CRHR1: variants seen among roughly 807,000 people sequenced by gnomAD.
CRHR1 encodes corticotropin-releasing hormone receptor 1.
In CRHR1, 28 loss-of-function variants were observed where a neutral mutation model predicts 56.0. That is an observed-to-expected ratio of 0.50 (90% CI 0.37 to 0.69). The LOEUF (loss-of-function observed/expected upper bound fraction) is 0.69. Ranked by LOEUF, CRHR1 falls within the 30% of genes least tolerant of loss-of-function variation. The pLI is 0.00. For synonymous variants in CRHR1, 195 were observed against 216.5 expected (o/e 0.90, Z 0.87); for missense variants, 376 against 548.0 (o/e 0.69, Z 3.13).
intron 2 of CRHR1, among the ~76,000 whole-genome samples, chr17:45,809,775 C>T (rs1033568015): frequency 6.6e-6 from 1 of 152,250 alleles, no homozygotes; most frequent in Non-Finnish European, 1.5e-5. Flanking sequence ...TGCCTCATGC[C>T]AGGAACTGGG....
intron 10 of CRHR1, 21 bp from the exon 11 acceptor site, chr17:45,833,693 T>TGGGGGGGGC: frequency 1.6e-5 from 25 of 1,571,588 alleles, no homozygotes; most frequent in African/African-American, 2.7e-5. Context: ...ACTCCGAGCC[T>TGGGGGGGGC]CCCCACCCGC....
At chr17:45,791,850 TCTCACA>T (rs1480375141) in intron 1 of CRHR1, among the ~76,000 whole-genome samples, 70 of 112,258 alleles carry the variant, frequency 6.2e-4, no homozygotes, top group African/African-American at 1.4e-3. Context: ...TCTCTCTCTC[TCTCACA>T]CACACACACA....
At position 45,830,655 on chromosome 17, in the gene CRHR1, G is replaced by C. The variant is rs1598448024; in HGVS notation, c.709+85G>C. On this transcript the variant is annotated intron_variant, in intron 7 of 12. Transcript: ENST00000314537. ...TCCAGACTCAGGCCAGCGGGCTGGGGGGCCTGAGGGATGGAGGTCGGGTTG... is the reference window on the plus strand; with the variant it reads ...TCCAGACTCAGGCCAGCGGGCTGGGCGGCCTGAGGGATGGAGGTCGGGTTG... 2.0e-6 allele frequency: 3 copies of C among 1,497,282 alleles called. No homozygotes were observed. The East Asian group carries it at 6.8e-5, about 34-fold the overall frequency. 92.7% of individuals were successfully genotyped at this position (1,497,282 alleles called of 1,614,324 possible).
intron 2 of CRHR1, among the ~76,000 whole-genome samples, chr17:45,808,001 G>T (rs242924): frequency 0.45 from 68,154 of 151,934 alleles, 16,767 homozygotes; most frequent in East Asian, 0.91. Flanking sequence ...GGCAAAAATG[G>T]AGAGGGTCCC....
intron 1 of CRHR1, among the ~76,000 whole-genome samples, chr17:45,803,502 T>C (rs548266973): frequency 2.1e-4 from 32 of 152,322 alleles, no homozygotes; most frequent in South Asian, 1.9e-3. Context: ...TTCTCCTGCC[T>C]CAGCCTCCTG....
At chr17:45,819,721 C>G (rs542949906) in intron 3 of CRHR1, among the ~76,000 whole-genome samples, 2 of 152,260 alleles carry the variant, frequency 1.3e-5, no homozygotes, top group East Asian at 3.9e-4. Context: ...CCTGAGACTG[C>G]GGTCCACTGA....
intron 4 of CRHR1, chr17:45,825,518 A>G (rs1312389367): frequency 6.5e-6 from 1 of 154,560 alleles, no homozygotes; most frequent in Non-Finnish European, 1.5e-5. Flanking sequence ...CTGGGAGAGC[A>G]CACCGTGGTG....
Position 45,829,409 on chromosome 17 carries a change from G to C in CRHR1, c.434+88G>C, listed in dbSNP as rs555780647. Reference sequence around the variant, plus strand: ...AAGTGAGAGGAGCAGCTCTAGGTTGGGGTGGGGGTTGCTGGGAGAGGGTGG... The same window carrying C: ...AAGTGAGAGGAGCAGCTCTAGGTTGCGGTGGGGGTTGCTGGGAGAGGGTGG... On this transcript the variant is annotated intron_variant, in intron 5 of 12. Transcript: ENST00000314537. 56 of 1,389,498 alleles carry C rather than the reference G, an allele frequency of 4.0e-5. No individual in the cohort carries two copies. In the Middle Eastern group the frequency reaches 7.0e-4, roughly 17 times the overall value. The allele number at this position is 1,389,498 out of a possible 1,614,324, so 86.1% of individuals were successfully genotyped here.
At chr17:45,811,779 A>C (rs1473898923) in intron 2 of CRHR1, among the ~76,000 whole-genome samples, 2 of 152,190 alleles carry the variant, frequency 1.3e-5, no homozygotes, top group East Asian at 3.8e-4. Flanking sequence ...AAGCCACCAC[A>C]CTAAAAGAGC....
chr17:45,833,693 T>TGGGGGGGGGGGGCCCCC, intron 10 of CRHR1, 21 bp from the exon 11 acceptor site: 5 of 1,571,612 alleles, frequency 3.2e-6, no homozygotes, highest in African/African-American at 1.4e-5. Context: ...ACTCCGAGCC[T>TGGGGGGGGGGGGCCCCC]CCCCACCCGC....
chr17:45,788,285 A>T (rs1404541294), intron 1 of CRHR1, among the ~76,000 whole-genome samples: 1 of 152,198 alleles, frequency 6.6e-6, no homozygotes, highest in African/African-American at 2.4e-5. Context: ...CTGTGTGATG[A>T]CAGGTAGGTC....
At chr17:45,803,133 A>G (rs1238601105) in intron 1 of CRHR1, among the ~76,000 whole-genome samples, 1 of 152,160 alleles carries the variant, frequency 6.6e-6, no homozygotes, top group Non-Finnish European at 1.5e-5. Flanking sequence ...AGAGTTGACC[A>G]GGTGACCAGG....
chr17:45,807,777 G>A (rs1272675583), intron 2 of CRHR1, among the ~76,000 whole-genome samples: 1 of 152,218 alleles, frequency 6.6e-6, no homozygotes, highest in African/African-American at 2.4e-5. Flanking sequence ...CATTTACAGA[G>A]TGCTTTTGCA....
At position 45,784,872 on chromosome 17, in the gene CRHR1, TC is replaced by T. The variant is rs1364103047; in HGVS notation, c.33+296del. 1.3e-5 allele frequency among the ~76,000 whole-genome samples: 2 copies of T among 152,062 alleles called. No homozygotes were observed. The highest frequency in any genetic ancestry group is 2.9e-5 in the Non-Finnish European group (2 of 67,986). ...CCGCGCCAAGAATCGCTCTAGGCTC[TC>T]GGGCAGACGCCTAGGGGAGGGGAGG... On this transcript the variant is annotated intron_variant, in intron 1 of 12. Coordinates refer to ENST00000314537, the MANE Select transcript of CRHR1 (RefSeq NM_004382.5). This position sits in a 1 kb window ranked among gnomAD's most constrained non-coding sequence, Gnocchi z 4.2.
intron 1 of CRHR1, among the ~76,000 whole-genome samples, chr17:45,794,770 C>A (rs80058796): frequency 6.6e-6 from 1 of 152,230 alleles, no homozygotes; most frequent in Non-Finnish European, 1.5e-5. Flanking sequence ...CCAAAGCTCA[C>A]AGGACTTAGC....
At chr17:45,813,040 G>T (rs561359484) in intron 2 of CRHR1, among the ~76,000 whole-genome samples, 1 of 152,180 alleles carries the variant, frequency 6.6e-6, no homozygotes, top group African/African-American at 2.4e-5. Flanking sequence ...TCCGCAGGAC[G>T]CAGGATGGCG....
At chr17:45,814,216 A>G (rs1018752148) in intron 2 of CRHR1, among the ~76,000 whole-genome samples, 4 of 152,228 alleles carry the variant, frequency 2.6e-5, no homozygotes, top group African/African-American at 4.8e-5. Flanking sequence ...CTGTGGATGA[A>G]TGAGTGAGGA....
intron 1 of CRHR1, among the ~76,000 whole-genome samples, chr17:45,803,793 T>C (rs1430929795): frequency 6.7e-5 from 8 of 118,780 alleles, no homozygotes; most frequent in Non-Finnish European, 9.1e-5. Context: ...CGTGCGCGTG[T>C]GTGCATGTGT....
In CRHR1 at chr17:45,818,257, G is replaced by A. The variant is rs189021258; in HGVS notation, c.241+1675G>A. 7.9e-5 allele frequency among the ~76,000 whole-genome samples: 12 copies of A among 152,308 alleles called. No homozygotes were observed. The East Asian group carries it at 1.2e-3, about 15-fold the overall frequency. ...CGTGTTCAGGCTGCTGGGTGGGGCCGGCCAGGCTGTCTGTGGTCATGGCCC... is the reference window on the plus strand; with the variant it reads ...CGTGTTCAGGCTGCTGGGTGGGGCCAGCCAGGCTGTCTGTGGTCATGGCCC... On this transcript the variant is annotated intron_variant, in intron 3 of 12. Transcript: ENST00000314537.
Sources: allele counts gnomAD v4.1 joint callset (sites outside exome capture counted in the v4.1 genomes callset), GRCh38; gene constraint gnomAD v4.1.1; non-coding constraint Gnocchi (gnomAD v3.1); transcripts MANE v1.5; gene names NCBI Gene and HGNC (gene_info 2026-07-23, HGNC 2026-07-21).